Variants in TEAD1 observed in about 807,000 individuals in gnomAD.
TEAD1 encodes TEA domain transcription factor 1, also known as transcriptional enhancer factor TEF-1.
Under a neutral mutation model 54.9 loss-of-function variants are expected in TEAD1, and 9 were observed. That is an observed-to-expected ratio of 0.16 (90% CI 0.10 to 0.29). TEAD1 has a LOEUF of 0.29. Ranked by LOEUF, TEAD1 falls within the 10% of genes least tolerant of loss-of-function variation. The pLI, the probability that TEAD1 is intolerant of heterozygous loss-of-function variation, is 1.00. For missense variants in TEAD1, 387 were observed against 535.9 expected, an observed-to-expected ratio of 0.72 and a Z score of 2.74; for synonymous variants, 200 against 187.8, an observed-to-expected ratio of 1.07 and a Z score of -0.53.
chr11:12,698,817 T>C (rs1168054332), intron 2 of TEAD1, among the ~76,000 whole-genome samples: 2 of 152,202 alleles, frequency 1.3e-5, no homozygotes, highest in Non-Finnish European at 2.9e-5. Flanking sequence ...TGAGAAGCAT[T>C]GCTATAAGAT....
chr11:12,891,595 A>G (rs931276836), intron 9 of TEAD1, among the ~76,000 whole-genome samples: 13 of 151,910 alleles, frequency 8.6e-5, no homozygotes, highest in Non-Finnish European at 1.6e-4. Flanking sequence ...ATTGCTAAGA[A>G]CTGACTTGAT....
intron 2 of TEAD1, among the ~76,000 whole-genome samples, chr11:12,698,128 A>G (rs887502532): frequency 5.3e-5 from 8 of 152,088 alleles, no homozygotes; most frequent in Admixed American, 1.3e-4. Flanking sequence ...TAACATGTTC[A>G]TATGATGCTT....
intron 3 of TEAD1, among the ~76,000 whole-genome samples, chr11:12,800,180 G>A (rs1446116756): frequency 6.6e-6 from 1 of 152,188 alleles, no homozygotes; most frequent in African/African-American, 2.4e-5. Context: ...ATACAAAAAT[G>A]TCCGTGGATG....
At chr11:12,774,644 A>T (rs1590137252) in intron 3 of TEAD1, among the ~76,000 whole-genome samples, 1 of 152,370 alleles carries the variant, frequency 6.6e-6, no homozygotes, top group Non-Finnish European at 1.5e-5. Flanking sequence ...CCTTGTTGCC[A>T]TCACCAGTAG....
intron 3 of TEAD1, among the ~76,000 whole-genome samples, chr11:12,773,697 C>G (rs1265096793): frequency 6.6e-6 from 1 of 152,172 alleles, no homozygotes. Context: ...CAAAGATTTT[C>G]TCCTTATCTG....
chr11:12,825,364 C>T (rs538645202), intron 3 of TEAD1, among the ~76,000 whole-genome samples: 57 of 152,222 alleles, frequency 3.7e-4, no homozygotes, highest in African/African-American at 1.3e-3. Flanking sequence ...CCCCAAAGTA[C>T]GAACCGACTA....
chr11:12,899,033 C>T (rs1299850508), intron 9 of TEAD1, among the ~76,000 whole-genome samples: 17 of 152,228 alleles, frequency 1.1e-4, no homozygotes, highest in Admixed American at 1.1e-3. Flanking sequence ...AGTTTCCCAG[C>T]TTCTCAACTT....
At chr11:12,921,067 AAAG>A (rs1448579428) in intron 10 of TEAD1, 2 of 152,230 alleles carry the variant, frequency 1.3e-5, no homozygotes, top group African/African-American at 4.8e-5. Context: ...TTTGTGTGAT[AAAG>A]GAGGAATGTA....
chr11:12,739,299 A>G (rs562142738), intron 2 of TEAD1, among the ~76,000 whole-genome samples: 1 of 152,302 alleles, frequency 6.6e-6, no homozygotes, highest in African/African-American at 2.4e-5. Flanking sequence ...TAAAGTACAC[A>G]TAAAAGTTAC....
chr11:12,937,225 A>G lies in TEAD1; in HGVS notation c.*3A>G, dbSNP rs763611408. ...TTTACAGGCTTGTAAAGGACTGAAC[A>G]TGGTTATTTATATATATAGATATCT... On this transcript the variant is annotated 3_prime_UTR_variant, in exon 13 of 13. Coordinates refer to ENST00000527636, the MANE Select transcript of TEAD1 (RefSeq NM_021961.6). 7.6e-6 allele frequency: 12 copies of G among 1,589,122 alleles called. No homozygotes were observed. Among genetic ancestry groups the G allele is most frequent in the Admixed American group, 6.7e-5 (4 of 59,960 alleles).
intron 12 of TEAD1, among the ~76,000 whole-genome samples, chr11:12,932,323 C>T (rs759615986): frequency 5.3e-5 from 8 of 152,044 alleles, no homozygotes; most frequent in Non-Finnish European, 1.0e-4. Flanking sequence ...AGCAGTCAGA[C>T]GAGTAGAAGG....
intron 3 of TEAD1, among the ~76,000 whole-genome samples, chr11:12,824,744 C>A (rs184468612): frequency 6.6e-6 from 1 of 152,152 alleles, no homozygotes; most frequent in Non-Finnish European, 1.5e-5. Context: ...CAGTCCTGAA[C>A]TCTGGGGTGA....
At chr11:12,927,143 T>TA (rs1206998662) in intron 11 of TEAD1, among the ~76,000 whole-genome samples, 2 of 152,236 alleles carry the variant, frequency 1.3e-5, no homozygotes, top group Non-Finnish European at 2.9e-5. Context: ...TCTTGACTGA[T>TA]AAAATCACAG....
chr11:12,715,101 T>TA (rs765900281), intron 2 of TEAD1, among the ~76,000 whole-genome samples: 61 of 152,144 alleles, frequency 4.0e-4, no homozygotes, highest in Non-Finnish European at 8.2e-4. Flanking sequence ...TCTCTACCCT[T>TA]ATGGAGCATA....
At chr11:12,804,040 T>C (rs1590167671) in intron 3 of TEAD1, among the ~76,000 whole-genome samples, 1 of 152,214 alleles carries the variant, frequency 6.6e-6, no homozygotes, top group Admixed American at 6.5e-5. Context: ...TCTCAGGAAA[T>C]CATGAAGCTT....
intron 2 of TEAD1, among the ~76,000 whole-genome samples, chr11:12,698,004 C>T: frequency 7.0e-6 from 1 of 143,716 alleles, no homozygotes; most frequent in South Asian, 2.2e-4. Flanking sequence ...GCCTGGGCAA[C>T]AGAGCGAAAC....
At chr11:12,866,975 A>AG (rs1947632111) in intron 5 of TEAD1, among the ~76,000 whole-genome samples, 1 of 152,138 alleles carries the variant, frequency 6.6e-6, no homozygotes, top group Non-Finnish European at 1.5e-5. Context: ...CTTCGTGGAG[A>AG]GTATACTGTT....
intron 2 of TEAD1, among the ~76,000 whole-genome samples, chr11:12,734,247 AAAG>A (rs1944481562): frequency 6.6e-6 from 1 of 152,188 alleles, no homozygotes; most frequent in Non-Finnish European, 1.5e-5. Flanking sequence ...AAAAATAAGA[AAAG>A]AAAAAAAATT....
intron 5 of TEAD1, among the ~76,000 whole-genome samples, chr11:12,866,110 G>A (rs919036244): frequency 6.6e-6 from 1 of 152,186 alleles, no homozygotes; most frequent in Non-Finnish European, 1.5e-5. Flanking sequence ...GGCTGATGGT[G>A]GCTGGCTTTT....
Sources: allele counts gnomAD v4.1 joint callset (sites outside exome capture counted in the v4.1 genomes callset), GRCh38; gene constraint gnomAD v4.1.1; transcripts MANE v1.5; gene names NCBI Gene and HGNC (gene_info 2026-07-23, HGNC 2026-07-21).